SOX6: variants seen among roughly 807,000 people sequenced by gnomAD.
SOX6 encodes the protein transcription factor SOX-6.
SOX6 carries 11 observed loss-of-function variants against 97.8 expected under a neutral mutation model. The ratio of observed to expected loss-of-function variants is 0.11; its 90% confidence interval spans 0.07 to 0.19. The LOEUF is 0.19. Among genes scored for constraint, SOX6 ranks in the 10% least tolerant of loss-of-function variants. SOX6 has a pLI of 1.00. For missense variants in SOX6, 810 were observed against 1,039.5 expected (o/e 0.78, Z 3.04); for synonymous variants, 360 against 371.4 (o/e 0.97, Z 0.35).
At chr11:16,184,643 C>T (rs149822244) in intron 5 of SOX6, among the ~76,000 whole-genome samples, 1 of 152,234 alleles carries the variant, frequency 6.6e-6, no homozygotes, top group Non-Finnish European at 1.5e-5. Context: ...AATTCAACAT[C>T]TAAACACATT....
rs141246422 is a variant in SOX6 at position 16,664,420 on chromosome 11, G to C, written n.429+50410C>G. Among the ~76,000 whole-genome samples the C allele has an allele frequency of 2.1e-3, 322 of 152,268 alleles. 2 individuals are homozygous for C. The highest frequency in any genetic ancestry group is 7.5e-3 in the African/African-American group (312 of 41,552). Reference sequence around the variant, plus strand: ...CACAGTGATTGTGGAACTTAGCATTGGAACTCAGTGCTGCCCTGTCACAGC... The same window carrying C: ...CACAGTGATTGTGGAACTTAGCATTCGAACTCAGTGCTGCCCTGTCACAGC... On this transcript the variant is annotated intron_variant and non_coding_transcript_variant, in intron 3 of 5. Transcript: ENST00000524520.
chr11:15,993,424 T>A (rs1854115210), intron 13 of SOX6, among the ~76,000 whole-genome samples: 1 of 151,248 alleles, frequency 6.6e-6, no homozygotes. Flanking sequence ...AGGGGTCATT[T>A]GTGAGTTCAG....
At chr11:16,122,019 T>C (rs1849506105) in intron 6 of SOX6, among the ~76,000 whole-genome samples, 1 of 152,022 alleles carries the variant, frequency 6.6e-6, no homozygotes, top group South Asian at 2.1e-4. Context: ...AAGGATCTAT[T>C]AGTGGGTATT....
chr11:16,702,506 T>G (rs1028385680), intron 3 of SOX6, among the ~76,000 whole-genome samples: 1 of 152,168 alleles, frequency 6.6e-6, no homozygotes, highest in Non-Finnish European at 1.5e-5. Context: ...TAGGGAAAAC[T>G]TGGTAACTAT....
intron 3 of SOX6, among the ~76,000 whole-genome samples, chr11:16,628,348 G>T (rs1377042023): frequency 6.6e-6 from 1 of 152,120 alleles, no homozygotes; most frequent in African/African-American, 2.4e-5. Context: ...TTGGGGCCGG[G>T]CATGGTTGCT....
intron 1 of SOX6, among the ~76,000 whole-genome samples, chr11:16,466,498 T>C (rs1860034868): frequency 6.6e-6 from 1 of 152,116 alleles, no homozygotes; most frequent in Non-Finnish European, 1.5e-5. Flanking sequence ...AAAGAGCTTC[T>C]GTGCAACAAA....
chr11:16,506,787 G>A (rs953051619), intron 4 of SOX6, among the ~76,000 whole-genome samples: 12 of 152,282 alleles, frequency 7.9e-5, no homozygotes, highest in African/African-American at 2.6e-4. Flanking sequence ...AACACAGCCA[G>A]GCATGGTAGC....
chr11:16,470,244 C>A (rs1860116552), intron 1 of SOX6, among the ~76,000 whole-genome samples: 2 of 152,046 alleles, frequency 1.3e-5, no homozygotes. Flanking sequence ...TTTCACAGCT[C>A]ATCTTTTTTA....
chr11:16,586,023 C>T (rs1848090396), intron 4 of SOX6, among the ~76,000 whole-genome samples: 1 of 152,106 alleles, frequency 6.6e-6, no homozygotes, highest in African/African-American at 2.4e-5. Flanking sequence ...AGGTTCAAAG[C>T]TTCAGTCTTT....
At chr11:16,692,066 T>C (rs1301684971) in intron 3 of SOX6, among the ~76,000 whole-genome samples, 1 of 128,202 alleles carries the variant, frequency 7.8e-6, no homozygotes, top group East Asian at 2.0e-4. Context: ...CGTGTGTGTG[T>C]GTGTGTGTGT....
chr11:16,270,918 TA>T (rs1854240367), intron 3 of SOX6, among the ~76,000 whole-genome samples: 2 of 151,184 alleles, frequency 1.3e-5, no homozygotes, highest in African/African-American at 4.8e-5. Context: ...CTATTTAGGG[TA>T]ATGAAAGAGT....
chr11:16,427,561 T>C (rs1210169366), intron 1 of SOX6, among the ~76,000 whole-genome samples: 1 of 150,950 alleles, frequency 6.6e-6, no homozygotes, highest in African/African-American at 2.4e-5. Context: ...TTCCCACCTA[T>C]GAGTGAGAAC....
intron 7 of SOX6, among the ~76,000 whole-genome samples, chr11:16,102,879 A>G (rs1294189711): frequency 6.6e-6 from 1 of 152,072 alleles, no homozygotes; most frequent in East Asian, 1.9e-4. Flanking sequence ...TCAGCTCAAG[A>G]TGGATCAAAG....
chr11:16,102,448 A>T (rs1427169135), intron 7 of SOX6, among the ~76,000 whole-genome samples: 1 of 152,000 alleles, frequency 6.6e-6, no homozygotes, highest in Non-Finnish European at 1.5e-5. Flanking sequence ...AAATGACTAT[A>T]CTGCCAAAAG....
intron 4 of SOX6, among the ~76,000 whole-genome samples, chr11:16,586,137 A>G (rs916782501): frequency 2.0e-5 from 3 of 152,166 alleles, no homozygotes; most frequent in African/African-American, 7.2e-5. Flanking sequence ...CTAAAAAGAA[A>G]TTTTAAAAGG....
intron 3 of SOX6, among the ~76,000 whole-genome samples, chr11:16,632,278 G>T (rs556883755): frequency 5.3e-5 from 8 of 152,220 alleles, no homozygotes; most frequent in South Asian, 4.1e-4. Flanking sequence ...ATTACTGGGG[G>T]TTTTTTCTTT....
chr11:15,987,467 C>T lies in SOX6; in HGVS notation c.1967-1047G>A, dbSNP rs564351137. Among the ~76,000 whole-genome samples the T allele has an allele frequency of 1.6e-4, 25 of 152,228 alleles. No homozygotes were observed. The South Asian group carries it at 2.5e-3, about 15-fold the overall frequency. On this transcript the variant is annotated intron_variant, in intron 14 of 15. Transcript: ENST00000683767. The stretch of plus-strand genomic sequence containing the variant: ...CGAAGAATTCTTGGTGCTCTTGAAA[C>T]GCTTGCACTTAAAACTTTACATTTT...
chr11:16,329,635 T>C (rs1212399581), intron 2 of SOX6, among the ~76,000 whole-genome samples: 4 of 152,144 alleles, frequency 2.6e-5, no homozygotes, highest in African/African-American at 9.7e-5. Context: ...GCAATAATAA[T>C]AGTACAGTAA....
chr11:16,660,128 T>C (rs762620769), intron 3 of SOX6, among the ~76,000 whole-genome samples: 4 of 152,140 alleles, frequency 2.6e-5, no homozygotes, highest in Non-Finnish European at 4.4e-5. Context: ...TGATTTCTGC[T>C]CTTTTGTTAT....
Sources: gnomAD v4.1 joint callset for allele counts (sites outside exome capture counted in the v4.1 genomes callset) on GRCh38, gnomAD v4.1.1 for gene constraint, MANE v1.5 for transcripts, NCBI Gene and HGNC (gene_info 2026-07-23, HGNC 2026-07-21) for gene names.